Variants in NRXN1 observed in about 807,000 individuals in gnomAD.
NRXN1 encodes neurexin 1.
NRXN1 carries 39 observed loss-of-function variants against 150.9 expected under a neutral mutation model. The observed-to-expected ratio is 0.26, with a 90% CI of 0.20 to 0.34. The LOEUF is 0.34. NRXN1 is among the 10% of genes least tolerant of loss of function. NRXN1 has a pLI of 1.00. For synonymous variants in NRXN1, 924 were observed against 757.0 expected, an observed-to-expected ratio of 1.22 and a Z score of -3.62; for missense variants, 1,815 against 1,949.9, an observed-to-expected ratio of 0.93 and a Z score of 1.30.
intron 5 of NRXN1, among the ~76,000 whole-genome samples, chr2:50,781,315 A>ATG (rs1274668642): frequency 1.3e-5 from 2 of 152,070 alleles, no homozygotes; most frequent in African/African-American, 4.8e-5. Flanking sequence ...GGGAAACCCT[A>ATG]TATCTGTGTT....
Position 50,552,771 on chromosome 2 carries a change from T to C in NRXN1, c.1575A>G (p.Arg525=), listed in dbSNP as rs201941844. The C allele has an allele frequency of 3.4e-4, 543 of 1,613,988 alleles. 2 individuals carry two copies. The African/African-American group carries it at 5.0e-3, about 15-fold the overall frequency. ...GTGGGTGCTTGGCATCTTTCTGATG[T>C]CTTGGCTTGCCATGGCTAAATAAGA... The part of the protein sequence containing the change: ...GLILFSHGKP[R]HQKDAKHPQM... The change falls in exon 9 of 23, where the codon AGA becomes AGG. Residue 525 remains arginine, a synonymous_variant. Transcript: ENST00000401669.
At position 50,457,278 on chromosome 2, in the gene NRXN1, G is replaced by C. The variant is rs140683096; in HGVS notation, c.3364+8164C>G. Among the ~76,000 whole-genome samples, 551 of 152,178 alleles carry C rather than the reference G, an allele frequency of 3.6e-3. 3 individuals carry two copies. The highest frequency in any genetic ancestry group is 0.012 in the African/African-American group (498 of 41,548). On this transcript the variant is annotated intron_variant, in intron 17 of 22. Transcript: ENST00000401669. The stretch of plus-strand genomic sequence containing the variant: ...TAAGAATTAAGAGTGAGAAAAGCAT[G>C]GAAAAACATTACACAGTGTTAAAGT...
chr2:50,091,572 G>C, intron 18 of NRXN1, 78 bp from the exon 19 acceptor site: 1 of 1,454,638 alleles, frequency 6.9e-7, no homozygotes, highest in Non-Finnish European at 9.6e-7. Flanking sequence ...ACAAGGTATT[G>C]TTTTAAAATG....
intron 5 of NRXN1, among the ~76,000 whole-genome samples, chr2:50,742,131 C>T (rs1234547478): frequency 6.6e-6 from 1 of 151,716 alleles, no homozygotes; most frequent in Non-Finnish European, 1.5e-5. Flanking sequence ...TTATTTTGTC[C>T]CATTTTAACA....
chr2:50,700,381 C>T (rs1208055282), intron 5 of NRXN1, among the ~76,000 whole-genome samples: 1 of 151,968 alleles, frequency 6.6e-6, no homozygotes, highest in Non-Finnish European at 1.5e-5. Context: ...CTTTGCTGGG[C>T]CAATGGCAAT....
chr2:49,945,580 G>C (rs925206407), intron 21 of NRXN1, among the ~76,000 whole-genome samples: 1 of 151,770 alleles, frequency 6.6e-6, no homozygotes, highest in African/African-American at 2.4e-5. Context: ...ATGTTCCCCT[G>C]CCTGTGTCCA....
intron 5 of NRXN1, among the ~76,000 whole-genome samples, chr2:50,649,581 T>C (rs1462989960): frequency 6.6e-6 from 1 of 152,010 alleles, no homozygotes; most frequent in Non-Finnish European, 1.5e-5. Context: ...TGTTACCCCC[T>C]CTTTGCTTGA....
intron 18 of NRXN1, among the ~76,000 whole-genome samples, chr2:50,173,712 G>C (rs945243579): frequency 1.3e-5 from 2 of 152,072 alleles, no homozygotes; most frequent in African/African-American, 4.8e-5. Context: ...TATATTTTAT[G>C]TTAGCATTAA....
At chr2:50,441,916 T>A (rs1416654027) in intron 17 of NRXN1, among the ~76,000 whole-genome samples, 3 of 152,160 alleles carry the variant, frequency 2.0e-5, no homozygotes, top group African/African-American at 7.2e-5. Context: ...GAAAGAATCA[T>A]GGGATGATAT....
chr2:50,057,383 T>C (rs1693820257), intron 19 of NRXN1, among the ~76,000 whole-genome samples: 1 of 152,206 alleles, frequency 6.6e-6, no homozygotes, highest in African/African-American at 2.4e-5. Flanking sequence ...TAACCATTAC[T>C]AATTAATGGA....
intron 18 of NRXN1, among the ~76,000 whole-genome samples, chr2:50,220,022 T>TAA (rs2063764696): frequency 8.4e-6 from 1 of 118,606 alleles, no homozygotes; most frequent in African/African-American, 3.4e-5. Flanking sequence ...ATTATATATA[T>TAA]ATATAAAGAA....
chr2:50,911,584 A>G (rs1398379248), intron 5 of NRXN1, among the ~76,000 whole-genome samples: 1 of 151,924 alleles, frequency 6.6e-6, no homozygotes, highest in Admixed American at 6.6e-5. Context: ...TTTCCAGAAA[A>G]AAGGGTCATT....
chr2:50,576,561 T>C (rs912193534), intron 8 of NRXN1, among the ~76,000 whole-genome samples: 3 of 151,966 alleles, frequency 2.0e-5, no homozygotes, highest in African/African-American at 4.8e-5. Context: ...AAGAAAAACA[T>C]TTTTTTACTT....
At chr2:50,208,357 G>A (rs546664224) in intron 18 of NRXN1, among the ~76,000 whole-genome samples, 99 of 152,158 alleles carry the variant, frequency 6.5e-4, no homozygotes, top group African/African-American at 2.3e-3. Context: ...TTACTGCAAT[G>A]CTGCTACCCT....
chr2:50,789,766 A>G (rs1286538995), intron 5 of NRXN1, among the ~76,000 whole-genome samples: 2 of 152,192 alleles, frequency 1.3e-5, no homozygotes, highest in Middle Eastern at 3.2e-3. Context: ...GATGAAAGTT[A>G]GCATTCACTT....
intron 6 of NRXN1, among the ~76,000 whole-genome samples, chr2:50,622,652 T>C (rs1200580031): frequency 2.0e-5 from 3 of 152,194 alleles, no homozygotes; most frequent in Non-Finnish European, 2.9e-5. Flanking sequence ...TTTCCTAGTA[T>C]ATAGCATCTT....
intron 18 of NRXN1, among the ~76,000 whole-genome samples, chr2:50,181,774 C>G (rs1237866849): frequency 6.6e-6 from 1 of 151,920 alleles, no homozygotes; most frequent in East Asian, 1.9e-4. Flanking sequence ...ATCTACTTCC[C>G]TATTGTCTTC....
At chr2:50,348,101 C>T (rs557931435) in intron 17 of NRXN1, among the ~76,000 whole-genome samples, 119 of 152,320 alleles carry the variant, frequency 7.8e-4, no homozygotes, top group African/African-American at 2.6e-3. Flanking sequence ...GAATTCGGGT[C>T]TTTTTATTGG....
At chr2:50,088,659 C>G (rs1038414989) in intron 19 of NRXN1, among the ~76,000 whole-genome samples, 1 of 152,138 alleles carries the variant, frequency 6.6e-6, no homozygotes, top group Non-Finnish European at 1.5e-5. Flanking sequence ...TTTTAAACAT[C>G]TTTTACATTG....
Sources: allele counts gnomAD v4.1 joint callset (sites outside exome capture counted in the v4.1 genomes callset), GRCh38; gene constraint gnomAD v4.1.1; transcripts MANE v1.5; gene names NCBI Gene and HGNC (gene_info 2026-07-23, HGNC 2026-07-21).